The following ARRDC2 variants were observed in gnomAD, a reference collection of about 807,000 sequenced individuals.
ARRDC2 encodes arrestin domain containing 2, also known as arrestin domain-containing protein 2.
In ARRDC2, 39 loss-of-function variants were observed where a neutral mutation model predicts 38.9. The observed-to-expected ratio is 1.00, with a 90% CI of 0.78 to 1.31. The LOEUF (loss-of-function observed/expected upper bound fraction) is 1.31, where lower values mean the gene tolerates loss of function less well. Among genes scored for constraint, ARRDC2 ranks in the 50% most tolerant of loss-of-function variants. The pLI, the probability that ARRDC2 is intolerant of heterozygous loss-of-function variation, is 0.00. For missense variants in ARRDC2, 553 were observed against 588.4 expected (o/e 0.94, Z 0.62); for synonymous variants, 300 against 261.9 (o/e 1.15, Z -1.41).
At chr19:18,008,891 CCCCGGAGTGTCTGTGT>C in intron 2 of ARRDC2, 64 bp from the exon 3 acceptor site, 1 of 1,598,252 alleles carries the variant, frequency 6.3e-7, no homozygotes. Context: ...CCTGGGAGGC[CCCCGGAGTGTCTGTGT>C]CTCCTTCTCC....
intron 7 of ARRDC2, 122 bp from the exon 8 acceptor site, chr19:18,012,791 C>A: frequency 1.0e-6 from 1 of 1,002,452 alleles, no homozygotes; most frequent in African/African-American, 1.6e-5. Context: ...CCCTAGACAC[C>A]ACCTCCTGAT....
At position 18,010,377 on chromosome 19, in the gene ARRDC2, T is replaced by G. The variant is rs772108613; in HGVS notation, c.1012+19T>G. 1.2e-6 allele frequency: 2 copies of G among 1,602,152 alleles called. No homozygotes were observed. Among genetic ancestry groups the G allele is most frequent in the Non-Finnish European group, 1.7e-6 (2 of 1,177,184 alleles). On this transcript the variant is annotated intron_variant, in intron 6 of 7. Coordinates refer to ENST00000222250, the MANE Select transcript of ARRDC2 (RefSeq NM_015683.2). The stretch of plus-strand genomic sequence containing the variant: ...CCTGAGGGTAAGCTCCCACCCTGCT[T>G]GCATGCAGAGGGTGGGTGGATACAC...
At chr19:18,011,804 A>G (rs2033416623) in intron 7 of ARRDC2, among the ~76,000 whole-genome samples, 1 of 151,806 alleles carries the variant, frequency 6.6e-6, no homozygotes, top group South Asian at 2.1e-4. Context: ...GGCTGCAGTG[A>G]GCAATGATTG....
At chr19:18,008,059 CACGCCCCTTGTCGCGCTATTGGTG>C (rs2033315831), upstream of ARRDC2, 3 of 1,138,306 alleles carry the variant, frequency 2.6e-6, no homozygotes, top group Non-Finnish European at 3.5e-6. Context: ...TGGGCAGAGC[CACGCCCCTTGTCGCGCTATTGGTG>C]GAGTCCCTTC....
At chr19:18,008,673 G>A (rs1177325487) in intron 1 of ARRDC2, 38 bp from the exon 2 acceptor site, 1 of 1,609,876 alleles carries the variant, frequency 6.2e-7, no homozygotes, top group Non-Finnish European at 8.5e-7. Flanking sequence ...GGACCCCAGC[G>A]CAACCGCTCA....
exon 1 of ARRDC2, chr19:18,001,153 C>T (rs2033176517): frequency 1.3e-6 from 1 of 772,512 alleles, no homozygotes; most frequent in Non-Finnish European, 1.7e-6. Context: ...GCCGACGACG[C>T]GCCCGCCCTG....
At chr19:18,008,090 C>G (rs1004801852), upstream of ARRDC2, 6 of 1,219,234 alleles carry the variant, frequency 4.9e-6, no homozygotes, top group Non-Finnish European at 6.4e-6. Flanking sequence ...GGTGGAGTCC[C>G]TTCCCGGGGC....
At chr19:18,001,485 G>A in exon 1 of ARRDC2, 1 of 1,325,490 alleles carries the variant, frequency 7.5e-7, no homozygotes, top group Non-Finnish European at 9.7e-7. Flanking sequence ...CCCACTGGTT[G>A]GAGGGTCGCA....
At position 18,008,465 on chromosome 19, in the gene ARRDC2, G is replaced by A; in HGVS notation, c.155G>A (p.Arg52Gln). Residue 52 changes from arginine (R) to glutamine (Q), a missense_variant, in exon 1 of 8, where the codon CGG becomes CAG. By Grantham distance (43) the Arg-to-Gln change is conservative (BLOSUM62 1). Around this residue, in one of 3 missense-constraint regions of ARRDC2, gnomAD observed 447 missense variants for 456.6 expected, o/e 0.98. Transcript: ENST00000222250. ...ARVGALRLRA[R>Q]GRAHVHWTES... ...GTGGGTGCCCTGAGGCTGCGCGCGC[G>A]GGGCCGCGCCCACGTGCACTGGACC... 6.5e-7 allele frequency: 1 copy of A among 1,531,518 alleles called. No homozygotes were observed. Among genetic ancestry groups the A allele is most frequent in the Non-Finnish European group, 8.7e-7 (1 of 1,146,322 alleles). The allele number at this position is 1,531,518 out of a possible 1,614,324, so 94.9% of individuals were successfully genotyped here.
chr19:18,012,842 A>G (rs2062146377), intron 7 of ARRDC2, 71 bp from the exon 8 acceptor site: 2 of 1,501,388 alleles, frequency 1.3e-6, no homozygotes, highest in African/African-American at 2.8e-5. Context: ...GGAGATGGCT[A>G]GATGGGGAGC....
At position 18,008,293 on chromosome 19, in the gene ARRDC2, G is replaced by C; in HGVS notation, c.-18G>C. On this transcript the variant is annotated 5_prime_UTR_variant, in exon 1 of 8. Transcript: ENST00000222250. ...CGAGGCCAGGTTCCGCCTGTCGTGG[G>C]TTCGCACCCCGGACGCGATGCTATT... 6.3e-7 allele frequency: 1 copy of C among 1,588,796 alleles called. No homozygotes were observed. The highest frequency in any genetic ancestry group is 1.4e-5 in the African/African-American group (1 of 73,420).
In ARRDC2 at chr19:18,009,059, C is replaced by A. The variant is rs767857478; in HGVS notation, c.430C>A (p.Arg144=). 9.3e-6 allele frequency: 15 copies of A among 1,613,422 alleles called. No homozygotes were observed. The highest frequency in any genetic ancestry group is 1.3e-5 in the Non-Finnish European group (15 of 1,179,980). ...TLHRPWVPAR[R]ARKVFTVIEP... ...GCACCGGCCCTGGGTCCCAGCACGC[C>A]GGGCAAGGAAGGTGTTCACTGTCAT... The change falls in exon 3 of 8, where the codon CGG becomes AGG. Residue 144 remains arginine, a synonymous_variant. Coordinates refer to ENST00000222250, the MANE Select transcript of ARRDC2 (RefSeq NM_015683.2).
chr19:18,006,370 A>G (rs537654171), upstream of ARRDC2, among the ~76,000 whole-genome samples: 4 of 152,316 alleles, frequency 2.6e-5, no homozygotes, highest in South Asian at 2.1e-4. Context: ...TCTGTCTGCA[A>G]TCCCGGCACC....
chr19:18,009,011 C>G lies in ARRDC2; in HGVS notation c.382C>G (p.Arg128Gly). The change falls in exon 3 of 8, where the codon CGC (arginine) becomes GGC (glycine). Residue 128 changes from arginine (R) to glycine (G), a missense_variant. Arg to Gly is a moderately radical substitution (Grantham distance 125, BLOSUM62 -2). This residue lies in a region of ARRDC2 where 447 missense variants were observed against 456.6 expected (regional missense o/e 0.98). Coordinates refer to ENST00000222250, the MANE Select transcript of ARRDC2 (RefSeq NM_015683.2). The stretch of plus-strand genomic sequence containing the variant: ...CTTCGAGGGCAAACACGGTAGTGTC[C>G]GCTACTGTATCAAGGCCACCCTGCA... ...TSFEGKHGSV[R>G]YCIKATLHRP... is the part of the protein sequence containing the mutation. 1.2e-6 allele frequency: 2 copies of G among 1,613,774 alleles called. No homozygotes were observed. Among genetic ancestry groups the G allele is most frequent in the Non-Finnish European group, 1.7e-6 (2 of 1,180,010 alleles).
Position 18,008,255 on chromosome 19 carries a change from C to A in ARRDC2, c.-56C>A. On this transcript the variant is annotated 5_prime_UTR_variant, in exon 1 of 8. Coordinates refer to ENST00000222250, the MANE Select transcript of ARRDC2 (RefSeq NM_015683.2). The stretch of plus-strand genomic sequence containing the variant: ...CTGCAGCGTCGGCATCTTGAGCTGC[C>A]GGTTCGCGAGTTCGAGGCCAGGTTC... The A allele has an allele frequency of 6.4e-7, 1 of 1,563,764 alleles. No individual in the cohort carries two copies. Among genetic ancestry groups the A allele is most frequent in the African/African-American group, 1.4e-5 (1 of 71,050 alleles).
rs752261569 is a variant in ARRDC2 at position 18,009,986 on chromosome 19, G to A, written c.796G>A (p.Val266Met). The change falls in exon 5 of 8, where the codon GTG (valine) becomes ATG (methionine). Residue 266 changes from valine to methionine, a missense_variant. This residue lies in a region of ARRDC2 where 447 missense variants were observed against 456.6 expected (regional missense o/e 0.98). Transcript: ENST00000222250. ...WQGRALRIPP[V>M]GPSILHCRVL... is the part of the protein sequence containing the mutation. The stretch of plus-strand genomic sequence containing the variant: ...GGGCCGGGCACTGCGGATCCCCCCA[G>A]TGGGTCCTTCCATCCTGCACTGCCG... The A allele has an allele frequency of 2.5e-6, 4 of 1,602,530 alleles. No homozygotes were observed. Among genetic ancestry groups the A allele is most frequent in the African/African-American group, 2.7e-5 (2 of 74,894 alleles).
chr19:18,001,161 C>G (rs2033176829), exon 1 of ARRDC2: 1 of 841,962 alleles, frequency 1.2e-6, no homozygotes, highest in Non-Finnish European at 1.5e-6. Context: ...CGCGCCCGCC[C>G]TGGGCCACCG....
chr19:18,007,438 A>C (rs1394883565), upstream of ARRDC2: 1 of 152,340 alleles, frequency 6.6e-6, no homozygotes, highest in Non-Finnish European at 1.5e-5. Context: ...TCCTGGGCGA[A>C]TGCGCCGAGG....
intron 1 of ARRDC2, among the ~76,000 whole-genome samples, chr19:18,002,520 A>G (rs557095062): frequency 6.6e-6 from 1 of 152,336 alleles, no homozygotes; most frequent in Admixed American, 6.5e-5. Flanking sequence ...CTCCGGGCCA[A>G]GCCAGACCTC....
Sources: allele counts gnomAD v4.1 joint callset (sites outside exome capture counted in the v4.1 genomes callset), GRCh38; gene constraint gnomAD v4.1.1; regional missense constraint gnomAD v4.1.1; transcripts MANE v1.5; gene names NCBI Gene and HGNC (gene_info 2026-07-23, HGNC 2026-07-21).